Variants in AMMECR1L observed in about 807,000 individuals in gnomAD.
AMMECR1L encodes the protein AMMECR1 like.
AMMECR1L carries 4 observed loss-of-function variants against 36.8 expected under a neutral mutation model. That is an observed-to-expected ratio of 0.11 (90% CI 0.05 to 0.25). The LOEUF (loss-of-function observed/expected upper bound fraction) is 0.25. Ranked by LOEUF, AMMECR1L falls within the 10% of genes least tolerant of loss-of-function variation. The probability of loss-of-function intolerance (pLI) is 1.00; values close to 1 mark genes in which losing one functional copy is unlikely to be tolerated. For synonymous variants in AMMECR1L, 147 were observed against 148.0 expected, an observed-to-expected ratio of 0.99 and a Z score of 0.05; for missense variants, 232 against 392.1, an observed-to-expected ratio of 0.59 and a Z score of 3.45.
In AMMECR1L at chr2:127,885,918, T is replaced by C. The variant is rs1691760766; in HGVS notation, c.-257A>G. The C allele has an allele frequency of 4.1e-6, 4 of 985,908 alleles. No homozygotes were observed. The highest frequency in any genetic ancestry group is 1.8e-5 in the African/African-American group (1 of 57,004). The allele number at this position is 985,908 out of a possible 1,614,324, so 61.1% of individuals were successfully genotyped here. On this transcript the variant is annotated 5_prime_UTR_variant, in exon 1 of 8. Coordinates refer to ENST00000272647, the MANE Select transcript of AMMECR1L (RefSeq NM_001199140.2). ...CTGGGTGGGGGCTCCCGAGAGAAGC[T>C]GGCCTGCGGGCGGGCCGGACGCGCT... is the stretch of plus-strand genomic sequence containing the variant.
rs529441295 is a variant in AMMECR1L at position 127,868,618 on chromosome 2, A to C, written c.724+836T>G. On this transcript the variant is annotated intron_variant, in intron 6 of 7. Transcript: ENST00000272647. ...AGGAAAACTGCACTACGTATCACAG[A>C]ATGCACAAGCAACATGTAAAGGTAC... Among the ~76,000 whole-genome samples, 3 of 152,344 alleles carry C rather than the reference A, an allele frequency of 2.0e-5. No homozygotes were observed. In the South Asian group the frequency reaches 6.2e-4, roughly 32 times the overall value.
intron 2 of AMMECR1L, among the ~76,000 whole-genome samples, chr2:127,883,734 G>A (rs1226101684): frequency 6.6e-6 from 1 of 152,146 alleles, no homozygotes; most frequent in Non-Finnish European, 1.5e-5. Context: ...AATCTGTGAT[G>A]GGATTTTCAA....
chr2:127,865,054 G>T lies in AMMECR1L; in HGVS notation c.*40C>A. ...CTGCTCCAATGATGTCATAGCCATT[G>T]GTGGCCACGGGGGGGTGGGACTGGT... On this transcript the variant is annotated 3_prime_UTR_variant, in exon 8 of 8. Transcript: ENST00000272647. The surrounding 1 kb of genome is among the most constrained non-coding windows in gnomAD (Gnocchi z 5.4). 1.4e-6 allele frequency: 2 copies of T among 1,448,150 alleles called. No individual in the cohort carries two copies. Among genetic ancestry groups the T allele is most frequent in the Non-Finnish European group, 9.7e-7 (1 of 1,034,086 alleles). 89.7% of individuals were successfully genotyped at this position (1,448,150 alleles called of 1,614,324 possible).
rs1691135907 is a variant in AMMECR1L at position 127,874,497 on chromosome 2, C to A, written c.-38-225G>T. Among the ~76,000 whole-genome samples the A allele has an allele frequency of 1.3e-5, 2 of 152,110 alleles. No individual in the cohort carries two copies. The highest frequency in any genetic ancestry group is 2.9e-5 in the Non-Finnish European group (2 of 68,024). On this transcript the variant is annotated intron_variant, in intron 2 of 7. Coordinates refer to ENST00000272647, the MANE Select transcript of AMMECR1L (RefSeq NM_001199140.2). The surrounding 1 kb of genome is among the most constrained non-coding windows in gnomAD (Gnocchi z 5.2). ...GATGACTACCATGGATGGAGGCAGG[C>A]ACCAAGCAGCTCCCTGTTCCCCAAG...
chr2:127,874,022 A>G lies in AMMECR1L; in HGVS notation c.213T>C (p.Pro71=), dbSNP rs781461120. 1.9e-6 allele frequency: 3 copies of G among 1,614,238 alleles called. No individual in the cohort carries two copies. The highest frequency in any genetic ancestry group is 4.5e-5 in the East Asian group (2 of 44,890). The change falls in exon 3 of 8, where the codon CCT becomes CCC. Residue 71 remains proline (P), a synonymous_variant. Transcript: ENST00000272647. The surrounding 1 kb of genome is among the most constrained non-coding windows in gnomAD (Gnocchi z 5.2). Reference sequence around the variant, plus strand: ...TCATTCGTGTGATGGGAGAGTTTCCAGGTCCCAGAGTTAAGTCTGACACAT... The same window carrying G: ...TCATTCGTGTGATGGGAGAGTTTCCGGGTCCCAGAGTTAAGTCTGACACAT... ...RENVSDLTLG[P]GNSPITRMNP...
Position 127,874,268 on chromosome 2 carries a change from G to C in AMMECR1L, c.-34C>G. ...AGTGCTCAAGGTCTGGAATGCTGCA[G>C]AACCCTAACCAAAATGAGAAGTTAA... On this transcript the variant is annotated 5_prime_UTR_variant, in exon 3 of 8. Coordinates refer to ENST00000272647, the MANE Select transcript of AMMECR1L (RefSeq NM_001199140.2). The surrounding 1 kb of genome is among the most constrained non-coding windows in gnomAD (Gnocchi z 5.2). 1.2e-6 allele frequency: 2 copies of C among 1,600,536 alleles called. No individual in the cohort carries two copies. Among genetic ancestry groups the C allele is most frequent in the East Asian group, 4.5e-5 (2 of 44,862 alleles).
chr2:127,880,484 G>C (rs576139083), intron 2 of AMMECR1L, among the ~76,000 whole-genome samples: 1 of 152,254 alleles, frequency 6.6e-6, no homozygotes, highest in Non-Finnish European at 1.5e-5. Context: ...GCCTTCCTCA[G>C]TGATGCTGCG....
At chr2:127,875,954 C>A (rs981257263) in intron 2 of AMMECR1L, among the ~76,000 whole-genome samples, 4 of 151,866 alleles carry the variant, frequency 2.6e-5, no homozygotes, top group African/African-American at 9.7e-5. Flanking sequence ...CCACTATGCC[C>A]AGCTATCTTT....
At chr2:127,876,391 G>C (rs568634020) in intron 2 of AMMECR1L, among the ~76,000 whole-genome samples, 1 of 150,924 alleles carries the variant, frequency 6.6e-6, no homozygotes, top group Non-Finnish European at 1.5e-5. Context: ...GCGGTGCGGT[G>C]TGCGGTGGGG....
chr2:127,872,791 CT>C (rs1691048840), intron 3 of AMMECR1L, among the ~76,000 whole-genome samples: 1 of 152,186 alleles, frequency 6.6e-6, no homozygotes, highest in African/African-American at 2.4e-5. Context: ...AACTGCATCT[CT>C]CTCTTACGTG....
At chr2:127,884,717 A>T (rs1691672627) in intron 1 of AMMECR1L, 1 of 152,322 alleles carries the variant, frequency 6.6e-6, no homozygotes, top group Admixed American at 6.5e-5. Context: ...CTGCAAAGAC[A>T]GAACTGAAGA....
chr2:127,877,805 C>T (rs1307501523), intron 2 of AMMECR1L, among the ~76,000 whole-genome samples: 1 of 152,020 alleles, frequency 6.6e-6, no homozygotes, highest in Non-Finnish European at 1.5e-5. Flanking sequence ...ACCTATAATC[C>T]CAACACTTTG....
At position 127,865,272 on chromosome 2, in the gene AMMECR1L, G is replaced by C; in HGVS notation, c.822-67C>G. 2 of 1,081,646 alleles carry C rather than the reference G, an allele frequency of 1.8e-6. No individual in the cohort carries two copies. The highest frequency in any genetic ancestry group is 2.7e-6 in the Non-Finnish European group (2 of 749,010). The allele number at this position is 1,081,646 out of a possible 1,614,324, so 67.0% of individuals were successfully genotyped here. A position where few individuals can be genotyped will look rare whatever the true frequency, so the allele number is the denominator to read the frequency against. On this transcript the variant is annotated intron_variant, in intron 7 of 7. Coordinates refer to ENST00000272647, the MANE Select transcript of AMMECR1L (RefSeq NM_001199140.2). This position sits in a 1 kb window ranked among gnomAD's most constrained non-coding sequence, Gnocchi z 5.4. ...CTTCATTTTGTAAAGTCACTCAGCA[G>C]AGAAAAACCAAAAGCTTATTCCACA...
Position 127,874,970 on chromosome 2 carries a change from AC to A in AMMECR1L, c.-38-699del, listed in dbSNP as rs1480675948. Among the ~76,000 whole-genome samples, 2 of 152,104 alleles carry A rather than the reference AC, an allele frequency of 1.3e-5. No individual in the cohort carries two copies. The highest frequency in any genetic ancestry group is 4.8e-5 in the African/African-American group (2 of 41,402). ...CAAGACCCCATTCAGAAAACCTGCA[AC>A]CTAGCAGAAACCTTTATTCACATGA... is the stretch of plus-strand genomic sequence containing the variant. On this transcript the variant is annotated intron_variant, in intron 2 of 7. Transcript: ENST00000272647. The surrounding 1 kb of genome is among the most constrained non-coding windows in gnomAD (Gnocchi z 5.2).
In AMMECR1L at chr2:127,865,773, G is replaced by A. The variant is rs1486722893; in HGVS notation, c.822-568C>T. Among the ~76,000 whole-genome samples, 4 of 152,234 alleles carry A rather than the reference G, an allele frequency of 2.6e-5. No individual in the cohort carries two copies. Among genetic ancestry groups the A allele is most frequent in the South Asian group, 2.1e-4 (1 of 4,832 alleles). ...CCCAGATGAATATGCCATATCACAG[G>A]GTCGTCAGAACAGAATTCATAGCAC... On this transcript the variant is annotated intron_variant, in intron 7 of 7. Transcript: ENST00000272647. The surrounding 1 kb of genome is among the most constrained non-coding windows in gnomAD (Gnocchi z 5.4).
rs376088971 is a variant in AMMECR1L at position 127,865,065 on chromosome 2, G to T, written c.*29C>A. 1.7e-5 allele frequency: 27 copies of T among 1,549,534 alleles called. No individual in the cohort carries two copies. The highest frequency in any genetic ancestry group is 1.6e-5 in the Non-Finnish European group (18 of 1,124,044). ...ATGTCATAGCCATTGGTGGCCACGG[G>T]GGGGTGGGACTGGTCATGCAGCCGT... On this transcript the variant is annotated 3_prime_UTR_variant, in exon 8 of 8. Coordinates refer to ENST00000272647, the MANE Select transcript of AMMECR1L (RefSeq NM_001199140.2). The surrounding 1 kb of genome is among the most constrained non-coding windows in gnomAD (Gnocchi z 5.4).
chr2:127,870,741 G>T, intron 5 of AMMECR1L, 73 bp downstream of exon 5: 1 of 1,132,878 alleles, frequency 8.8e-7, no homozygotes, highest in Non-Finnish European at 1.3e-6. Context: ...CAATGAAGGA[G>T]ATACATTGCC....
chr2:127,878,033 T>A (rs973107323), intron 2 of AMMECR1L, among the ~76,000 whole-genome samples: 1 of 152,156 alleles, frequency 6.6e-6, no homozygotes, highest in Non-Finnish European at 1.5e-5. Flanking sequence ...CACTCCAGCC[T>A]GGGTGACAGA....
chr2:127,878,358 G>A (rs1691342259), intron 2 of AMMECR1L, among the ~76,000 whole-genome samples: 1 of 152,192 alleles, frequency 6.6e-6, no homozygotes, highest in South Asian at 2.1e-4. Flanking sequence ...GAGAGCTGGT[G>A]TTTTAATAGG....
Sources: allele counts gnomAD v4.1 joint callset (sites outside exome capture counted in the v4.1 genomes callset), GRCh38; gene constraint gnomAD v4.1.1; non-coding constraint Gnocchi (gnomAD v3.1); transcripts MANE v1.5; gene names NCBI Gene and HGNC (gene_info 2026-07-23, HGNC 2026-07-21).